The following IGF1R variants were observed in gnomAD, a reference collection of about 807,000 sequenced individuals.
IGF1R encodes the protein insulin like growth factor 1 receptor.
In IGF1R, 44 loss-of-function variants were observed where a neutral mutation model predicts 144.6. The observed-to-expected ratio is 0.30, with a 90% CI of 0.24 to 0.39. The LOEUF (loss-of-function observed/expected upper bound fraction) is 0.39. Ranked by LOEUF, IGF1R falls within the 10% of genes least tolerant of loss-of-function variation. The pLI is 1.00. For synonymous variants in IGF1R, 795 were observed against 722.8 expected (o/e 1.10, Z -1.60); for missense variants, 1,355 against 1,833.7 (o/e 0.74, Z 4.77).
chr15:98,746,230 G>T (rs916199784), intron 2 of IGF1R, among the ~76,000 whole-genome samples: 3 of 152,156 alleles, frequency 2.0e-5, no homozygotes, highest in Non-Finnish European at 4.4e-5. Flanking sequence ...ATGATTCACC[G>T]GGGTAGGTGG....
intron 2 of IGF1R, among the ~76,000 whole-genome samples, chr15:98,764,818 C>T (rs2055395691): frequency 6.6e-6 from 1 of 151,936 alleles, no homozygotes; most frequent in African/African-American, 2.4e-5. Flanking sequence ...AGGTAAAATT[C>T]ATATGACATA....
intron 2 of IGF1R, among the ~76,000 whole-genome samples, chr15:98,884,216 C>T (rs2013525565): frequency 6.6e-6 from 1 of 152,168 alleles, no homozygotes; most frequent in African/African-American, 2.4e-5. Flanking sequence ...ATCCTCAGAC[C>T]TCCCCCACAC....
chr15:98,727,850 G>A (rs887377071), intron 2 of IGF1R, among the ~76,000 whole-genome samples: 26 of 152,262 alleles, frequency 1.7e-4, no homozygotes, highest in Middle Eastern at 3.4e-3. Context: ...TCACCCCGAA[G>A]GAATGCGGGC....
intron 2 of IGF1R, among the ~76,000 whole-genome samples, chr15:98,875,239 C>T (rs1282970800): frequency 6.6e-6 from 1 of 151,746 alleles, no homozygotes; most frequent in Non-Finnish European, 1.5e-5. Flanking sequence ...GAAACATTTT[C>T]AGATCTTTGT....
chr15:98,908,857 A>G lies in IGF1R; in HGVS notation c.1420A>G (p.Lys474Glu), dbSNP rs1473174821. ...GACGGGGACTAAAGGGCGCCAAAGC[A>G]AAGGGGACATAAACACCAGGAACAA... ...EVTGTKGRQS[K>E]GDINTRNNGE... The change falls in exon 6 of 21, where the codon AAA becomes GAA. Residue 474 changes from lysine to glutamate, a missense_variant. Lys to Glu is a moderately conservative substitution (Grantham distance 56). Around this residue, in one of 7 missense-constraint regions of IGF1R, gnomAD observed 880 missense variants for 1,202.7 expected, o/e 0.73. Coordinates refer to ENST00000650285, the MANE Select transcript of IGF1R (RefSeq NM_000875.5). 2 of 1,614,156 alleles carry G rather than the reference A, an allele frequency of 1.2e-6. No individual in the cohort carries two copies. Among genetic ancestry groups the G allele is most frequent in the Admixed American group, 3.3e-5 (2 of 60,010 alleles).
chr15:98,860,104 CG>C (rs758666133), intron 2 of IGF1R, among the ~76,000 whole-genome samples: 7 of 152,064 alleles, frequency 4.6e-5, no homozygotes, highest in Non-Finnish European at 1.0e-4. Flanking sequence ...TTAGTAGAGA[CG>C]GGGTTTCGCC....
intron 2 of IGF1R, among the ~76,000 whole-genome samples, chr15:98,726,551 A>G (rs1396949480): frequency 6.6e-6 from 1 of 152,116 alleles, no homozygotes; most frequent in Non-Finnish European, 1.5e-5. Context: ...GAGAACATCT[A>G]TGACTCTTAT....
Position 98,708,046 on chromosome 15 carries a change from G to A in IGF1R, c.579G>A (p.Glu193=), listed in dbSNP as rs1320980250. 6.2e-7 allele frequency: 1 copy of A among 1,614,006 alleles called. No individual in the cohort carries two copies. Among genetic ancestry groups the A allele is most frequent in the East Asian group, 2.2e-5 (1 of 44,888 alleles). Residue 193 remains glutamate (E), a synonymous_variant, in exon 2 of 21, where the codon GAG becomes GAA. Coordinates refer to ENST00000650285, the MANE Select transcript of IGF1R (RefSeq NM_000875.5). ...CCATGGAGGAGAAGCCGATGTGTGA[G>A]AAGACCACCATCAACAATGAGTACA... The part of the protein sequence containing the change: ...PGTMEEKPMC[E]KTTINNEYNY...
intron 2 of IGF1R, among the ~76,000 whole-genome samples, chr15:98,852,134 A>G (rs2011552522): frequency 6.6e-6 from 1 of 152,258 alleles, no homozygotes; most frequent in South Asian, 2.1e-4. Context: ...GAGGAGCCGA[A>G]TTATGGAAAC....
chr15:98,666,743 G>A (rs1363236503), intron 1 of IGF1R, among the ~76,000 whole-genome samples: 1 of 152,146 alleles, frequency 6.6e-6, no homozygotes, highest in Non-Finnish European at 1.5e-5. Flanking sequence ...AGGCTGGGGG[G>A]AGGGAGCAAT....
intron 2 of IGF1R, among the ~76,000 whole-genome samples, chr15:98,823,020 T>C (rs1470664690): frequency 6.6e-6 from 1 of 152,236 alleles, no homozygotes; most frequent in Non-Finnish European, 1.5e-5. Context: ...AGTTTTAACT[T>C]ACTCAAAGCT....
chr15:98,920,145 C>G (rs906157966), intron 10 of IGF1R, among the ~76,000 whole-genome samples: 3 of 152,108 alleles, frequency 2.0e-5, no homozygotes, highest in African/African-American at 4.8e-5. Flanking sequence ...TCCAATAGGG[C>G]TAGGTTGTAT....
intron 2 of IGF1R, among the ~76,000 whole-genome samples, chr15:98,759,185 A>G (rs2055232889): frequency 1.3e-5 from 2 of 152,324 alleles, no homozygotes; most frequent in Middle Eastern, 3.4e-3. Flanking sequence ...TCTTCACTCC[A>G]CAGCTGGAAA....
intron 1 of IGF1R, among the ~76,000 whole-genome samples, chr15:98,657,607 G>C (rs1224506461): frequency 1.3e-5 from 2 of 152,216 alleles, no homozygotes; most frequent in East Asian, 1.9e-4. Flanking sequence ...GCTTCCCTTA[G>C]TTCTGTTGTC....
intron 2 of IGF1R, among the ~76,000 whole-genome samples, chr15:98,737,929 A>T (rs959927500): frequency 3.9e-5 from 6 of 152,156 alleles, no homozygotes; most frequent in African/African-American, 1.4e-4. Flanking sequence ...TGTCTGCTCT[A>T]GGAGCAAAAG....
rs1029354615 is a variant in IGF1R at position 98,677,963 on chromosome 15, T to C, written c.94+28288T>C. On this transcript the variant is annotated intron_variant, in intron 1 of 20. Transcript: ENST00000650285. ...GTTACATGTTGATTACAGGCATATT[T>C]GTCCTTTTTTGTCTATATTAATGAT... Among the ~76,000 whole-genome samples, 3 of 152,210 alleles carry C rather than the reference T, an allele frequency of 2.0e-5. No homozygotes were observed. The East Asian group carries it at 5.8e-4, about 29-fold the overall frequency.
chr15:98,918,220 T>C (rs1215297929), intron 10 of IGF1R, among the ~76,000 whole-genome samples: 2 of 152,232 alleles, frequency 1.3e-5, no homozygotes, highest in East Asian at 3.9e-4. Context: ...TAAATCAGCA[T>C]GGCACCCATG....
chr15:98,733,558 C>G (rs2141300632), intron 2 of IGF1R, among the ~76,000 whole-genome samples: 1 of 152,156 alleles, frequency 6.6e-6, no homozygotes, highest in Non-Finnish European at 1.5e-5. Flanking sequence ...GGGGAATTCC[C>G]TCTCCGAGGA....
rs2052270843 is a variant in IGF1R, at chr15:98,649,071, C to T, written c.-511C>T. The T allele has an allele frequency of 1.4e-5, 3 of 219,112 alleles. No individual in the cohort carries two copies. The highest frequency in any genetic ancestry group is 6.4e-5 in the East Asian group (1 of 15,528). 13.6% of individuals were successfully genotyped at this position (219,112 alleles called of 1,614,324 possible). ...AGGGGGAGCCGCTCATTCATTTTGACTCCGCGTTTCTGCCCCTCGCCGGCC... is the reference window on the plus strand; with the variant it reads ...AGGGGGAGCCGCTCATTCATTTTGATTCCGCGTTTCTGCCCCTCGCCGGCC... On this transcript the variant is annotated 5_prime_UTR_variant, in exon 1 of 21. Coordinates refer to ENST00000650285, the MANE Select transcript of IGF1R (RefSeq NM_000875.5).
Sources: gnomAD v4.1 joint callset for allele counts (sites outside exome capture counted in the v4.1 genomes callset) on GRCh38, gnomAD v4.1.1 for gene constraint, gnomAD v4.1.1 regional missense constraint, MANE v1.5 for transcripts, NCBI Gene and HGNC (gene_info 2026-07-23, HGNC 2026-07-21) for gene names.